Variants in CRTAC1 observed in about 807,000 individuals in gnomAD.
CRTAC1 encodes the protein acidic secreted protein in cartilage.
In CRTAC1, 37 loss-of-function variants were observed where a neutral mutation model predicts 67.8. That is an observed-to-expected ratio of 0.55 (90% CI 0.42 to 0.72). The LOEUF is 0.72. CRTAC1 is among the 30% of genes least tolerant of loss of function. The probability of loss-of-function intolerance (pLI) is 0.00; values close to 1 mark genes in which losing one functional copy is unlikely to be tolerated. For synonymous variants in CRTAC1, 348 were observed against 371.0 expected, an observed-to-expected ratio of 0.94 and a Z score of 0.71; for missense variants, 780 against 931.6, an observed-to-expected ratio of 0.84 and a Z score of 2.12.
In CRTAC1 at chr10:97,918,129, C is replaced by A. The variant is rs184909983; in HGVS notation, c.559-473G>T. Among the ~76,000 whole-genome samples the A allele has an allele frequency of 1.8e-3, 281 of 152,300 alleles. 4 individuals carry two copies. The highest frequency in any genetic ancestry group is 1.1e-3 in the Non-Finnish European group (76 of 68,028). ...GCAAATTCCTGAGCCATCTCCCTCC[C>A]CCTGTTCCCACCCCGCGCTTCTTCA... On this transcript the variant is annotated intron_variant, in intron 4 of 14. Coordinates refer to ENST00000370597, the MANE Select transcript of CRTAC1 (RefSeq NM_018058.7).
chr10:97,999,762 C>T (rs929200136), intron 2 of CRTAC1, among the ~76,000 whole-genome samples: 31 of 152,186 alleles, frequency 2.0e-4, no homozygotes, highest in African/African-American at 7.0e-4. Context: ...GACCAATTGG[C>T]GTGCACTTCC....
rs145632263 is a variant in CRTAC1, at chr10:97,895,966, G to C, written c.1236C>G (p.Phe412Leu). 1.2e-5 allele frequency: 19 copies of C among 1,614,064 alleles called. No homozygotes were observed. In the East Asian group the frequency reaches 2.7e-4, roughly 23 times the overall value. The part of the protein sequence containing the change: ...GRGTGGVVTD[F>L]DGDGMLDLIL... The stretch of plus-strand genomic sequence containing the variant: ...TGAGGTCCAGCATCCCGTCTCCGTC[G>C]AAGTCGGTCACCACACCCCCTACAA... Residue 412 changes from phenylalanine (F) to leucine (L), a missense_variant, in exon 10 of 15, where the codon TTC (phenylalanine) becomes TTG (leucine). Physicochemically the swap from Phe to Leu is conservative, Grantham distance 22 (BLOSUM62 0). Transcript: ENST00000370597. This position sits in a 1 kb window ranked among gnomAD's most constrained non-coding sequence, Gnocchi z 4.2.
chr10:97,946,691 T>A lies in CRTAC1; in HGVS notation c.225-10325A>T, dbSNP rs2051269966. 3.3e-5 allele frequency among the ~76,000 whole-genome samples: 5 copies of A among 152,318 alleles called. No individual in the cohort carries two copies. The Middle Eastern group carries it at 0.01, about 311-fold the overall frequency. ...TGACAGTGACTCATTTGGGTCTGCA[T>A]ATTCTGGAGACAAACCTACCAGGGC... On this transcript the variant is annotated intron_variant, in intron 2 of 14. Coordinates refer to ENST00000370597, the MANE Select transcript of CRTAC1 (RefSeq NM_018058.7).
chr10:97,896,509 G>T (rs1191842978), intron 9 of CRTAC1, among the ~76,000 whole-genome samples: 1 of 152,176 alleles, frequency 6.6e-6, no homozygotes, highest in East Asian at 1.9e-4. Flanking sequence ...CTGGCCCAGT[G>T]CTCTGTCTGA....
At chr10:97,939,419 G>C (rs930667645) in intron 2 of CRTAC1, among the ~76,000 whole-genome samples, 3 of 152,118 alleles carry the variant, frequency 2.0e-5, no homozygotes, top group African/African-American at 4.8e-5. Flanking sequence ...TGGTAGCTTG[G>C]GATGCATCCT....
chr10:97,966,937 T>A (rs1186370096), intron 2 of CRTAC1, among the ~76,000 whole-genome samples: 1 of 151,986 alleles, frequency 6.6e-6, no homozygotes, highest in Non-Finnish European at 1.5e-5. Context: ...CCTGCTGATG[T>A]TGACCTTGAT....
Position 97,865,491 on chromosome 10 carries a change from G to A in CRTAC1, c.*57C>T, listed in dbSNP as rs1472445842. The A allele has an allele frequency of 1.3e-6, 2 of 1,555,310 alleles. No homozygotes were observed. Among genetic ancestry groups the A allele is most frequent in the Non-Finnish European group, 1.7e-6 (2 of 1,144,468 alleles). ...CCCTACTGTCTAGGCAGCAGCACAA[G>A]CCCACTTTCCCACTCCCCTGCTGGA... is the stretch of plus-strand genomic sequence containing the variant. On this transcript the variant is annotated 3_prime_UTR_variant, in exon 15 of 15. Transcript: ENST00000370597.
intron 8 of CRTAC1, among the ~76,000 whole-genome samples, chr10:97,898,831 C>T (rs543494295): frequency 6.6e-5 from 10 of 152,184 alleles, no homozygotes; most frequent in South Asian, 2.1e-4. Flanking sequence ...CCCTGCACAC[C>T]GCAGTTGGCC....
chr10:97,954,213 A>G (rs180763986), intron 2 of CRTAC1, among the ~76,000 whole-genome samples: 1 of 152,302 alleles, frequency 6.6e-6, no homozygotes, highest in East Asian at 1.9e-4. Flanking sequence ...AAATGAGGGA[A>G]GAGGATATAC....
At chr10:97,919,794 G>A (rs140208164) in intron 4 of CRTAC1, among the ~76,000 whole-genome samples, 1 of 16,560 alleles carries the variant, frequency 6.0e-5, no homozygotes. Flanking sequence ...TTTAAGACAG[G>A]GTCTCCCTCT....
intron 2 of CRTAC1, among the ~76,000 whole-genome samples, chr10:97,943,931 C>A (rs1409787659): frequency 1.3e-5 from 2 of 152,146 alleles, no homozygotes; most frequent in Non-Finnish European, 2.9e-5. Flanking sequence ...GAGTATATTA[C>A]AAATTTTAAA....
intron 4 of CRTAC1, among the ~76,000 whole-genome samples, chr10:97,922,590 G>A (rs2050856210): frequency 6.6e-6 from 1 of 152,230 alleles, no homozygotes; most frequent in Non-Finnish European, 1.5e-5. Flanking sequence ...GAGGCCTGCT[G>A]GGACCTAAGC....
chr10:97,909,089 T>C (rs1188143426), intron 5 of CRTAC1, among the ~76,000 whole-genome samples: 3 of 152,170 alleles, frequency 2.0e-5, no homozygotes, highest in African/African-American at 7.2e-5. Context: ...AGTATATATG[T>C]TTTTTAAAAC....
At chr10:98,000,653 C>G (rs1005993927) in intron 2 of CRTAC1, among the ~76,000 whole-genome samples, 2 of 152,150 alleles carry the variant, frequency 1.3e-5, no homozygotes, top group African/African-American at 2.4e-5. Flanking sequence ...AAAACTTGGG[C>G]AAAAGCGCCA....
At chr10:98,010,626 C>T (rs887844703) in intron 2 of CRTAC1, among the ~76,000 whole-genome samples, 5 of 152,204 alleles carry the variant, frequency 3.3e-5, no homozygotes, top group South Asian at 2.1e-4. Flanking sequence ...GCATGCTCAG[C>T]GGAGGTTTAG....
chr10:97,979,380 A>T (rs1360970117), intron 2 of CRTAC1, among the ~76,000 whole-genome samples: 1 of 152,178 alleles, frequency 6.6e-6, no homozygotes, highest in African/African-American at 2.4e-5. Flanking sequence ...TGGGGAAGGA[A>T]CAAGAGAATC....
intron 2 of CRTAC1, among the ~76,000 whole-genome samples, chr10:97,961,246 A>G (rs2051520417): frequency 6.6e-6 from 1 of 152,038 alleles, no homozygotes; most frequent in South Asian, 2.1e-4. Flanking sequence ...AGAACTTGTA[A>G]CTTCTATCTT....
chr10:97,881,277 C>A (rs2050210246), intron 13 of CRTAC1, among the ~76,000 whole-genome samples: 2 of 152,222 alleles, frequency 1.3e-5, no homozygotes, highest in African/African-American at 4.8e-5. Context: ...CTTCAACACA[C>A]AAAGCCTTTG....
At chr10:97,869,662 C>G (rs2050069764) in intron 14 of CRTAC1, 1 of 152,300 alleles carries the variant, frequency 6.6e-6, no homozygotes, top group Non-Finnish European at 1.5e-5. Context: ...CTCGGGGAAT[C>G]AAAGGTGGAG....
Sources: allele counts gnomAD v4.1 joint callset (sites outside exome capture counted in the v4.1 genomes callset), GRCh38; gene constraint gnomAD v4.1.1; non-coding constraint Gnocchi (gnomAD v3.1); transcripts MANE v1.5; gene names NCBI Gene and HGNC (gene_info 2026-07-23, HGNC 2026-07-21).